The following KCNT2 variants were observed in gnomAD, a reference collection of about 807,000 sequenced individuals.
The protein encoded by KCNT2 is potassium sodium-activated channel subfamily T member 2.
In KCNT2, 67 loss-of-function variants were observed where a neutral mutation model predicts 153.8. The observed-to-expected ratio is 0.44, with a 90% CI of 0.36 to 0.53. The LOEUF is 0.53. Among genes scored for constraint, KCNT2 ranks in the 20% least tolerant of loss-of-function variants. KCNT2 has a pLI of 0.00. For missense variants in KCNT2, 975 were observed against 1,354.8 expected, an observed-to-expected ratio of 0.72 and a Z score of 4.40; for synonymous variants, 500 against 458.8, an observed-to-expected ratio of 1.09 and a Z score of -1.15.
rs753043565 is a variant in KCNT2, at chr1:196,480,082, A to G, written c.325-844T>C. On this transcript the variant is annotated intron_variant, in intron 4 of 27. Transcript: ENST00000294725. ...ATTGTATACACCATCTCTAGTGTTA[A>G]CTACCAAAAATATATTACTGTGCCA... Among the ~76,000 whole-genome samples, 141 of 152,184 alleles carry G rather than the reference A, an allele frequency of 9.3e-4. 2 individuals carry two copies. The highest frequency in any genetic ancestry group is 2.5e-4 in the Non-Finnish European group (17 of 68,024).
At chr1:196,547,125 GA>G (rs1290096381) in intron 1 of KCNT2, among the ~76,000 whole-genome samples, 1 of 151,910 alleles carries the variant, frequency 6.6e-6, no homozygotes, top group Admixed American at 6.6e-5. Context: ...AGAAGTTAAA[GA>G]GTACTCATCA....
At chr1:196,560,684 T>C (rs543746681) in intron 1 of KCNT2, among the ~76,000 whole-genome samples, 1 of 133,288 alleles carries the variant, frequency 7.5e-6, no homozygotes. Flanking sequence ...CCTGTAATAA[T>C]GATATGATGT....
chr1:196,608,160 T>C (rs1665529387), intron 1 of KCNT2, 55 bp downstream of exon 1: 2 of 1,519,672 alleles, frequency 1.3e-6, no homozygotes, highest in Non-Finnish European at 1.8e-6. Context: ...GGCCCTCCCA[T>C]TTCCGTCTCT....
rs764544332 is a variant in KCNT2 at position 196,228,198 on chromosome 1, GA to G, written c.*25del. The G allele has an allele frequency of 1.4e-6, 2 of 1,427,658 alleles. No individual in the cohort carries two copies. Among genetic ancestry groups the G allele is most frequent in the Admixed American group, 1.7e-5 (1 of 57,774 alleles). 88.4% of individuals were successfully genotyped at this position (1,427,658 alleles called of 1,614,324 possible). A position where few individuals can be genotyped will look rare whatever the true frequency, so the allele number is the denominator to read the frequency against. On this transcript the variant is annotated 3_prime_UTR_variant, in exon 28 of 28. Transcript: ENST00000294725. ...GTGGTTTCAAGCAAGGTCTTTGTAGGAAAAAAGTTTCTCATTTTATTTTTAT... is the reference window on the plus strand; with the variant it reads ...GTGGTTTCAAGCAAGGTCTTTGTAGGAAAAAGTTTCTCATTTTATTTTTAT...
chr1:196,371,365 T>A (rs1463486009), intron 14 of KCNT2, among the ~76,000 whole-genome samples: 1 of 148,958 alleles, frequency 6.7e-6, no homozygotes, highest in Non-Finnish European at 1.5e-5. Flanking sequence ...GGGGGGAAAA[T>A]GTAGGGTGAT....
At chr1:196,306,736 C>CGT (rs1032608068) in intron 21 of KCNT2, among the ~76,000 whole-genome samples, 1 of 142,690 alleles carries the variant, frequency 7.0e-6, no homozygotes, top group African/African-American at 2.6e-5. Flanking sequence ...TGTTTGCTTG[C>CGT]TTTTTTTTTT....
chr1:196,378,956 A>C (rs1572227893), intron 13 of KCNT2, among the ~76,000 whole-genome samples: 1 of 145,960 alleles, frequency 6.9e-6, no homozygotes, highest in East Asian at 2.1e-4. Context: ...TATTCCCCCC[A>C]CCCCACTTTC....
At chr1:196,325,467 T>C (rs562812868) in intron 19 of KCNT2, among the ~76,000 whole-genome samples, 2 of 152,252 alleles carry the variant, frequency 1.3e-5, no homozygotes, top group South Asian at 4.1e-4. Flanking sequence ...GCATCCCTCC[T>C]GTGGCAGCTC....
intron 25 of KCNT2, among the ~76,000 whole-genome samples, chr1:196,260,605 G>C (rs1327581662): frequency 6.6e-6 from 1 of 151,506 alleles, no homozygotes; most frequent in Non-Finnish European, 1.5e-5. Context: ...ACAGTAAAAA[G>C]AAATGAGAAG....
At chr1:196,331,049 C>A in intron 18 of KCNT2, 107 bp downstream of exon 18, 1 of 689,430 alleles carries the variant, frequency 1.5e-6, no homozygotes. Flanking sequence ...ATACCAATAC[C>A]CCTTAAACAT....
intron 5 of KCNT2, among the ~76,000 whole-genome samples, chr1:196,470,376 C>G (rs1677985443): frequency 6.6e-6 from 1 of 152,114 alleles, no homozygotes; most frequent in South Asian, 2.1e-4. Context: ...GGCAAAAGTG[C>G]CTATTTTCTG....
At chr1:196,234,810 C>T (rs1189666031) in intron 27 of KCNT2, among the ~76,000 whole-genome samples, 1 of 151,438 alleles carries the variant, frequency 6.6e-6, no homozygotes, top group African/African-American at 2.4e-5. Context: ...GGATTACAGA[C>T]ACAAACACAT....
At chr1:196,601,673 T>G (rs1664738601) in intron 1 of KCNT2, among the ~76,000 whole-genome samples, 1 of 152,242 alleles carries the variant, frequency 6.6e-6, no homozygotes, top group Non-Finnish European at 1.5e-5. Flanking sequence ...TGATGGTGTT[T>G]CACCAATTTT....
At chr1:196,348,359 A>G (rs1428600016) in intron 14 of KCNT2, among the ~76,000 whole-genome samples, 1 of 152,176 alleles carries the variant, frequency 6.6e-6, no homozygotes. Context: ...CTCATCGAAA[A>G]TTATGAAAAA....
At position 196,329,950 on chromosome 1, in the gene KCNT2, CATATATATATATATATATATATAT is replaced by C. The variant is rs71154737; in HGVS notation, c.2103+1182_2103+1205del. Among the ~76,000 whole-genome samples the C allele has an allele frequency of 9.4e-3, 689 of 73,538 alleles. 16 individuals are homozygous for C. The highest frequency in any genetic ancestry group is 0.044 in the African/African-American group (658 of 14,992). The allele number at this position is 73,538 out of a possible 152,430, so 48.2% of individuals were successfully genotyped here. ...AAATGGATAATTCTGTTCCTCAAGA[CATATATATATATATATATATATAT>C]ATATATATATTTGAATGAGACCAAT... On this transcript the variant is annotated intron_variant, in intron 18 of 27. Coordinates refer to ENST00000294725, the MANE Select transcript of KCNT2 (RefSeq NM_198503.5).
chr1:196,559,725 T>C (rs1012440684), intron 1 of KCNT2, among the ~76,000 whole-genome samples: 3 of 151,862 alleles, frequency 2.0e-5, no homozygotes, highest in Non-Finnish European at 2.9e-5. Flanking sequence ...TTTTTAGTGA[T>C]GTAATCTTTC....
chr1:196,387,048 C>A (rs1253126415), intron 13 of KCNT2, among the ~76,000 whole-genome samples: 1 of 151,846 alleles, frequency 6.6e-6, no homozygotes. Context: ...TAGATATAAC[C>A]ATTCACAAAT....
At chr1:196,500,054 G>C (rs1002519120) in intron 1 of KCNT2, among the ~76,000 whole-genome samples, 2 of 151,814 alleles carry the variant, frequency 1.3e-5, no homozygotes, top group Non-Finnish European at 2.9e-5. Context: ...AGAGGCAGAA[G>C]AATCACTTGA....
chr1:196,446,228 G>C (rs147008786), intron 8 of KCNT2, among the ~76,000 whole-genome samples: 4 of 151,416 alleles, frequency 2.6e-5, no homozygotes, highest in East Asian at 2.0e-4. Context: ...GCAAAAGATA[G>C]ATTTCTTTAA....
Sources: allele counts gnomAD v4.1 joint callset (sites outside exome capture counted in the v4.1 genomes callset), GRCh38; gene constraint gnomAD v4.1.1; transcripts MANE v1.5; gene names NCBI Gene and HGNC (gene_info 2026-07-23, HGNC 2026-07-21).